ABCC11: variants seen among roughly 807,000 people sequenced by gnomAD.
ABCC11 encodes ATP binding cassette subfamily C member 11, also known as ATP-binding cassette sub-family C member 11.
In ABCC11, 135 loss-of-function variants were observed where a neutral mutation model predicts 149.3. The observed-to-expected ratio is 0.90, with a 90% CI of 0.79 to 1.04. The LOEUF (loss-of-function observed/expected upper bound fraction) is 1.04. Ranked by LOEUF, ABCC11 falls within the 50% of genes least tolerant of loss-of-function variation. ABCC11 has a pLI of 0.00. For missense variants in ABCC11, 1,680 were observed against 1,722.1 expected (o/e 0.98, Z 0.43); for synonymous variants, 665 against 671.4 (o/e 0.99, Z 0.15).
intron 14 of ABCC11, 80 bp downstream of exon 14, chr16:48,203,148 T>G: frequency 5.0e-6 from 7 of 1,412,838 alleles, no homozygotes; most frequent in Non-Finnish European, 6.8e-6. Context: ...CTGGGATTCC[T>G]CCCTTCCCTG....
At chr16:48,200,536 T>C (rs1967875010) in intron 14 of ABCC11, 57 bp from the exon 15 acceptor site, 24 of 1,564,486 alleles carry the variant, frequency 1.5e-5, no homozygotes, top group Non-Finnish European at 2.1e-5. Flanking sequence ...CCAGGTGTGC[T>C]CAAATGGGTA....
chr16:48,213,578 G>T, intron 9 of ABCC11, 28 bp from the exon 10 acceptor site: 1 of 1,580,028 alleles, frequency 6.3e-7, no homozygotes, highest in East Asian at 2.3e-5. Context: ...GAGGTGGTGA[G>T]GGTCGTGGCC....
At chr16:48,219,540 A>C (rs567000233) in intron 6 of ABCC11, among the ~76,000 whole-genome samples, 2 of 152,330 alleles carry the variant, frequency 1.3e-5, no homozygotes, top group African/African-American at 4.8e-5. Flanking sequence ...GGCACAGGGG[A>C]AGAAACTAGG....
intron 1 of ABCC11, among the ~76,000 whole-genome samples, chr16:48,233,778 A>G (rs1970548041): frequency 6.6e-6 from 1 of 152,230 alleles, no homozygotes. Context: ...ATAAACGTTT[A>G]TATCTGTAAC....
At chr16:48,196,827 C>A (rs1249483970) in intron 17 of ABCC11, among the ~76,000 whole-genome samples, 2 of 152,190 alleles carry the variant, frequency 1.3e-5, no homozygotes, top group Non-Finnish European at 2.9e-5. Context: ...AAGACCGGTA[C>A]CTGGAGATGC....
Position 48,204,749 on chromosome 16 carries a change from T to C in ABCC11, c.1805+664A>G, listed in dbSNP as rs74016319. Among the ~76,000 whole-genome samples the C allele has an allele frequency of 6.2e-3, 938 of 152,114 alleles. 7 individuals are homozygous for C. The highest frequency in any genetic ancestry group is 0.021 in the African/African-American group (875 of 41,482). ...CCAAGCAAACAGTCACAGGTCAGAG[T>C]CCACCATAGTTGGAAGCGTAGCTGT... On this transcript the variant is annotated intron_variant, in intron 13 of 29. Coordinates refer to ENST00000356608, the MANE Select transcript of ABCC11 (RefSeq NM_001370497.1).
intron 24 of ABCC11, 121 bp from the exon 25 acceptor site, chr16:48,177,234 G>T (rs1410069614): frequency 2.0e-6 from 2 of 983,474 alleles, no homozygotes; most frequent in African/African-American, 3.3e-5. Flanking sequence ...TTGCGCCAAG[G>T]TCAAGCCCCC....
chr16:48,193,479 A>C (rs1967104164), intron 19 of ABCC11, among the ~76,000 whole-genome samples: 1 of 152,092 alleles, frequency 6.6e-6, no homozygotes, highest in Non-Finnish European at 1.5e-5. Context: ...GGGTGGGGAG[A>C]TTAGTGAAAT....
At chr16:48,193,815 C>T in intron 19 of ABCC11, 64 bp downstream of exon 19, 2 of 1,371,334 alleles carry the variant, frequency 1.5e-6, no homozygotes, top group South Asian at 1.2e-5. Flanking sequence ...TCTCAAGGAG[C>T]AAGAAGTCAC....
chr16:48,212,141 T>C (rs1968980597), intron 10 of ABCC11, among the ~76,000 whole-genome samples: 4 of 152,214 alleles, frequency 2.6e-5, no homozygotes, highest in Admixed American at 2.6e-4. Context: ...GGAAGCGCAC[T>C]GGGCTGGTGA....
In ABCC11 at chr16:48,176,954, C is replaced by T; in HGVS notation, c.3508G>A (p.Val1170Met). 6.2e-7 allele frequency: 1 copy of T among 1,614,110 alleles called. No homozygotes were observed. Among genetic ancestry groups the T allele is most frequent in the Non-Finnish European group, 8.5e-7 (1 of 1,180,026 alleles). ...CCCGTCCTTCCCACGATGCCCACCA[C>T]TTCGTGGCCGCGGATGGTCAGGTTG... Reference protein sequence around the residue: ...GINLTIRGHEVVGIVGRTGSG... With the variant: ...GINLTIRGHEMVGIVGRTGSG... Residue 1170 changes from valine (V) to methionine (M), a missense_variant, in exon 25 of 30, where the codon GTG becomes ATG. Physicochemically the swap from Val to Met is conservative, Grantham distance 21. Coordinates refer to ENST00000356608, the MANE Select transcript of ABCC11 (RefSeq NM_001370497.1).
chr16:48,234,986 A>AT (rs1970616692), intron 1 of ABCC11: 1 of 152,226 alleles, frequency 6.6e-6, no homozygotes, highest in African/African-American at 2.4e-5. Context: ...GAATTATTTG[A>AT]TAAAATGACT....
chr16:48,223,561 C>T (rs1166165788), intron 5 of ABCC11: 1 of 153,082 alleles, frequency 6.5e-6, no homozygotes, highest in Non-Finnish European at 1.5e-5. Context: ...GACCTACCTT[C>T]ACCTCCCCGT....
intron 23 of ABCC11, among the ~76,000 whole-genome samples, chr16:48,181,001 T>C (rs1353284279): frequency 6.6e-6 from 1 of 152,196 alleles, no homozygotes; most frequent in Non-Finnish European, 1.5e-5. Context: ...TGCAACAACC[T>C]TTGAGCAACC....
In ABCC11 at chr16:48,184,475, A is replaced by G; in HGVS notation, c.3223T>C (p.Ser1075Pro). Residue 1075 changes from serine (S) to proline (P), a missense_variant, in exon 23 of 30, where the codon TCC (serine) becomes CCC (proline). By Grantham distance (74) the Ser-to-Pro change is moderately conservative (BLOSUM62 -1). Transcript: ENST00000356608. ...ATGTTGACAGCCATGACTTTAAAGG[A>G]GTAGGGGGTGGAGGAAATGCCAAAA... Reference protein sequence around the residue: ...VAFGISSTPYSFKVMAVNIVL... With the variant: ...VAFGISSTPYPFKVMAVNIVL... 1 of 1,614,166 alleles carries G rather than the reference A, an allele frequency of 6.2e-7. No individual in the cohort carries two copies. The highest frequency in any genetic ancestry group is 8.5e-7 in the Non-Finnish European group (1 of 1,180,006).
intron 9 of ABCC11, among the ~76,000 whole-genome samples, chr16:48,214,445 T>C (rs566977329): frequency 6.6e-6 from 1 of 152,240 alleles, no homozygotes; most frequent in Admixed American, 6.5e-5. Flanking sequence ...TGTCTTATTC[T>C]GCTCAAAGAG....
At position 48,167,584 on chromosome 16, in the gene ABCC11, G is replaced by C; in HGVS notation, c.3968C>G (p.Ala1323Gly). The change falls in exon 29 of 30, where the codon GCC (alanine) becomes GGC (glycine). Residue 1323 changes from alanine (A) to glycine (G), a missense_variant. By Grantham distance (60) the Ala-to-Gly change is moderately conservative. Transcript: ENST00000356608. The stretch of plus-strand genomic sequence containing the variant: ...GACGAGCACGGTGCAGCCCTGGAAG[G>C]CTTCACGGATTGTGCGCTGGATCAG... ...DTLIQRTIRE[A>G]FQGCTVLVIA... The C allele has an allele frequency of 6.2e-7, 1 of 1,614,156 alleles. No homozygotes were observed. The highest frequency in any genetic ancestry group is 8.5e-7 in the Non-Finnish European group (1 of 1,180,026).
At chr16:48,219,301 C>T (rs923006350) in intron 6 of ABCC11, among the ~76,000 whole-genome samples, 2 of 151,990 alleles carry the variant, frequency 1.3e-5, no homozygotes, top group Non-Finnish European at 2.9e-5. Context: ...TCCTAAGTAG[C>T]TGGGACCACA....
rs146719621 is a variant in ABCC11, at chr16:48,187,571, A to G, written c.2707-144T>C. On this transcript the variant is annotated intron_variant, in intron 20 of 29. Transcript: ENST00000356608. ...AGGCAATGTAGAGCAATGATTTAAA[A>G]GCATGGATGGGCTCCACGGCTACCT... 9.3e-3 allele frequency: 6,355 copies of G among 684,406 alleles called. 40 individuals carry two copies. Among genetic ancestry groups the G allele is most frequent in the South Asian group, 0.011 (594 of 53,102 alleles). The allele number at this position is 684,406 out of a possible 1,614,324, so 42.4% of individuals were successfully genotyped here. A position where few individuals can be genotyped will look rare whatever the true frequency, so the allele number is the denominator to read the frequency against.
Sources: gnomAD v4.1 joint callset for allele counts (sites outside exome capture counted in the v4.1 genomes callset) on GRCh38, gnomAD v4.1.1 for gene constraint, MANE v1.5 for transcripts, NCBI Gene and HGNC (gene_info 2026-07-23, HGNC 2026-07-21) for gene names.